The following EFCAB13 variants were observed in gnomAD, a reference collection of about 807,000 sequenced individuals.
EFCAB13 encodes EF-hand calcium-binding domain-containing protein 13.
EFCAB13 carries 91 observed loss-of-function variants against 110.2 expected under a neutral mutation model. That is an observed-to-expected ratio of 0.83 (90% confidence interval 0.70 to 0.98). The LOEUF is 0.98. EFCAB13 is among the 50% of genes least tolerant of loss of function. EFCAB13 has a pLI of 0.00. For missense variants in EFCAB13, 968 were observed against 1,119.4 expected (o/e 0.86, Z 1.93); for synonymous variants, 323 against 369.9 (o/e 0.87, Z 1.45).
At chr17:47,398,707 AAC>A (rs925050865) in intron 17 of EFCAB13, among the ~76,000 whole-genome samples, 8 of 151,102 alleles carry the variant, frequency 5.3e-5, no homozygotes, top group African/African-American at 1.9e-4. Context: ...CAGGGACACA[AAC>A]ACTGCGGAAG....
At chr17:47,439,696 A>T (rs1465287428) in intron 24 of EFCAB13, among the ~76,000 whole-genome samples, 2 of 152,102 alleles carry the variant, frequency 1.3e-5, no homozygotes, top group African/African-American at 4.8e-5. Context: ...ATACTAAAGC[A>T]GTGTTTCTAA....
intron 14 of EFCAB13, among the ~76,000 whole-genome samples, chr17:47,382,204 TTTG>T: frequency 6.6e-6 from 1 of 152,298 alleles, no homozygotes; most frequent in Non-Finnish European, 1.5e-5. Context: ...GCACATTGAT[TTTG>T]TATCCTGAGA....
chr17:47,410,157 G>T (rs1237743033), intron 21 of EFCAB13, among the ~76,000 whole-genome samples: 1 of 152,092 alleles, frequency 6.6e-6, no homozygotes, highest in Non-Finnish European at 1.5e-5. Flanking sequence ...AATTCTAGAG[G>T]CTGGGAAATC....
chr17:47,440,660 C>T lies in EFCAB13; in HGVS notation c.2868C>T (p.Phe956=). 6.2e-7 allele frequency: 1 copy of T among 1,603,400 alleles called. No homozygotes were observed. The highest frequency in any genetic ancestry group is 8.5e-7 in the Non-Finnish European group (1 of 1,176,906). ...AACACAAGATTAGTTTACATAACTT[C>T]TGTTTGAATTCTAAGGCAAATATTG... ...IKQHKISLHN[F]CLNSKANIAK... The change falls in exon 25 of 25, where the codon TTC becomes TTT. Residue 956 remains phenylalanine (F), a synonymous_variant. Transcript: ENST00000331493.
chr17:47,361,038 ACT>A (rs2065509725), intron 9 of EFCAB13, among the ~76,000 whole-genome samples: 1 of 152,150 alleles, frequency 6.6e-6, no homozygotes, highest in South Asian at 2.1e-4. Context: ...AAAATTATAG[ACT>A]CTGACATTCA....
intron 21 of EFCAB13, among the ~76,000 whole-genome samples, chr17:47,410,828 C>T (rs770693318): frequency 2.0e-5 from 3 of 152,124 alleles, no homozygotes; most frequent in Admixed American, 1.3e-4. Flanking sequence ...CTCCATGAGT[C>T]AATTATAGAA....
intron 9 of EFCAB13, among the ~76,000 whole-genome samples, chr17:47,351,270 A>G (rs1272846644): frequency 2.7e-5 from 3 of 112,346 alleles, no homozygotes; most frequent in African/African-American, 8.0e-5. Context: ...GTGGCTGACT[A>G]GTATTCCACT....
intron 10 of EFCAB13, among the ~76,000 whole-genome samples, chr17:47,362,204 T>C (rs1386194603): frequency 6.6e-6 from 1 of 152,112 alleles, no homozygotes; most frequent in African/African-American, 2.4e-5. Context: ...TAATTAATCA[T>C]TAGTTTGTAG....
At chr17:47,389,927 G>A (rs2065696838) in intron 14 of EFCAB13, among the ~76,000 whole-genome samples, 1 of 150,436 alleles carries the variant, frequency 6.6e-6, no homozygotes, top group Admixed American at 6.7e-5. Flanking sequence ...ACAAGATAGG[G>A]ACATGTATCT....
At chr17:47,327,507 G>T (rs2095239569) in intron 3 of EFCAB13, among the ~76,000 whole-genome samples, 1 of 151,788 alleles carries the variant, frequency 6.6e-6, no homozygotes, top group Non-Finnish European at 1.5e-5. Flanking sequence ...TCCCAGGCTG[G>T]AGTGCAGTGG....
At chr17:47,360,734 T>C (rs987123534) in intron 9 of EFCAB13, among the ~76,000 whole-genome samples, 16 of 152,298 alleles carry the variant, frequency 1.1e-4, no homozygotes, top group African/African-American at 3.6e-4. Context: ...GCCTAGGTTT[T>C]CTTCTAGGGT....
rs2065576297 is a variant in EFCAB13, at chr17:47,370,578, TAA to T, written c.877+71_877+72del. The T allele has an allele frequency of 1.0e-5, 11 of 1,060,436 alleles. 1 individual carries two copies. In the South Asian group the frequency reaches 1.7e-4, roughly 16 times the overall value. The allele number at this position is 1,060,436 out of a possible 1,614,324, so 65.7% of individuals were successfully genotyped here. ...AGTCTTTACATTAAATCTTAATTTA[TAA>T]GTTTTATTTTATAAAGGGTTTTGAA... On this transcript the variant is annotated intron_variant, in intron 11 of 24. Coordinates refer to ENST00000331493, the MANE Select transcript of EFCAB13 (RefSeq NM_152347.5).
chr17:47,391,294 T>A, intron 14 of EFCAB13, 143 bp from the exon 15 acceptor site: 1 of 496,198 alleles, frequency 2.0e-6, no homozygotes, highest in Non-Finnish European at 3.3e-6. Flanking sequence ...TATTAAAGAT[T>A]CTAGATATGC....
intron 5 of EFCAB13, among the ~76,000 whole-genome samples, chr17:47,338,243 G>GTTTTT (rs11334311): frequency 1.3e-4 from 18 of 137,796 alleles, no homozygotes; most frequent in Non-Finnish European, 1.1e-4. Context: ...GTCACTACTA[G>GTTTTT]TTTTTTTTTT....
intron 24 of EFCAB13, among the ~76,000 whole-genome samples, chr17:47,440,091 GT>G (rs1905288842): frequency 2.0e-5 from 3 of 152,066 alleles, no homozygotes; most frequent in African/African-American, 7.2e-5. Context: ...CTACTGAAGG[GT>G]TTTATGCATG....
At chr17:47,359,669 C>CA in intron 9 of EFCAB13, among the ~76,000 whole-genome samples, 1 of 149,824 alleles carries the variant, frequency 6.7e-6, no homozygotes, top group Non-Finnish European at 1.5e-5. Flanking sequence ...TACATGTGTA[C>CA]AATGTGCAGG....
Position 47,333,951 on chromosome 17 carries a change from AT to A in EFCAB13, c.31-1238del, listed in dbSNP as rs1349555315. Among the ~76,000 whole-genome samples, 12 of 152,074 alleles carry A rather than the reference AT, an allele frequency of 7.9e-5. 1 individual carries two copies. The highest frequency in any genetic ancestry group is 7.9e-4 in the Admixed American group (12 of 15,252). On this transcript the variant is annotated intron_variant, in intron 4 of 24. Coordinates refer to ENST00000331493, the MANE Select transcript of EFCAB13 (RefSeq NM_152347.5). ...TTACTGTTTCCATATGAATGTTAGG[AT>A]TTTTTTATTTCTGTGAAAAATGACA...
At chr17:47,393,139 G>A (rs1198967191) in intron 15 of EFCAB13, among the ~76,000 whole-genome samples, 1 of 152,028 alleles carries the variant, frequency 6.6e-6, no homozygotes, top group East Asian at 1.9e-4. Flanking sequence ...CAAACTCCTG[G>A]GCTCAAGCAA....
intron 17 of EFCAB13, among the ~76,000 whole-genome samples, chr17:47,400,667 C>CCCCTCCCCTT (rs1488263850): frequency 1.3e-5 from 2 of 149,604 alleles, no homozygotes; most frequent in African/African-American, 4.9e-5. Context: ...CCCTTCTCCT[C>CCCCTCCCCTT]CCCTCCCCTT....
Sources: allele counts gnomAD v4.1 joint callset (sites outside exome capture counted in the v4.1 genomes callset), GRCh38; gene constraint gnomAD v4.1.1; transcripts MANE v1.5; gene names NCBI Gene and HGNC (gene_info 2026-07-23, HGNC 2026-07-21).